EPHA3: variants seen among roughly 807,000 people sequenced by gnomAD.
EPHA3 encodes the protein ephrin type-A receptor 3.
Under a neutral mutation model 107.1 loss-of-function variants are expected in EPHA3, and 42 were observed. That is an observed-to-expected ratio of 0.39 (90% CI 0.31 to 0.51). EPHA3 has a LOEUF of 0.51. Among genes scored for constraint, EPHA3 ranks in the 20% least tolerant of loss-of-function variants. The pLI is 0.78. For synonymous variants in EPHA3, 461 were observed against 424.8 expected, an observed-to-expected ratio of 1.09 and a Z score of -1.05; for missense variants, 1,183 against 1,211.2, an observed-to-expected ratio of 0.98 and a Z score of 0.35.
At chr3:89,233,308 G>A (rs1426195037) in intron 3 of EPHA3, among the ~76,000 whole-genome samples, 2 of 152,064 alleles carry the variant, frequency 1.3e-5, no homozygotes, top group Non-Finnish European at 2.9e-5. Flanking sequence ...CAATAATAAT[G>A]CCATGAACTG....
chr3:89,195,451 A>C (rs1418971335), intron 2 of EPHA3, among the ~76,000 whole-genome samples: 7 of 152,158 alleles, frequency 4.6e-5, no homozygotes. Context: ...CCTGCAGCAC[A>C]GGGTTTTCAA....
At chr3:89,445,936 G>A (rs1709869417) in intron 13 of EPHA3, among the ~76,000 whole-genome samples, 2 of 152,184 alleles carry the variant, frequency 1.3e-5, no homozygotes, top group Admixed American at 6.5e-5. Flanking sequence ...TGATCAGCAA[G>A]TATGTTACAT....
Position 89,369,428 on chromosome 3 carries a change from G to A in EPHA3, c.1307-26409G>A, listed in dbSNP as rs562357896. Among the ~76,000 whole-genome samples, 163 of 150,760 alleles carry A rather than the reference G, an allele frequency of 1.1e-3. 5 individuals are homozygous for A. The highest frequency in any genetic ancestry group is 3.8e-3 in the African/African-American group (155 of 41,108). The stretch of plus-strand genomic sequence containing the variant: ...GATTCCCTATTTAATAAATGGTGCT[G>A]GGAAAACTGGCTAGCCATATGTAGA... On this transcript the variant is annotated intron_variant, in intron 5 of 16. Transcript: ENST00000336596.
In EPHA3 at chr3:89,311,949, G is replaced by T. The variant is rs545616928; in HGVS notation, c.815-28967G>T. 9.2e-5 allele frequency among the ~76,000 whole-genome samples: 14 copies of T among 151,960 alleles called. No homozygotes were observed. The South Asian group carries it at 2.9e-3, about 32-fold the overall frequency. On this transcript the variant is annotated intron_variant, in intron 3 of 16. Transcript: ENST00000336596. ...AGTGGCTTTGAGGATGACACAAGTA[G>T]GTATGATTTTGTTGAAAAGGTGAGA...
intron 11 of EPHA3, among the ~76,000 whole-genome samples, chr3:89,425,966 A>T (rs2107531966): frequency 6.6e-6 from 1 of 151,796 alleles, no homozygotes; most frequent in Non-Finnish European, 1.5e-5. Flanking sequence ...ATTGTGAAAG[A>T]TCATCATTTT....
intron 2 of EPHA3, among the ~76,000 whole-genome samples, chr3:89,198,347 T>C (rs1224230133): frequency 6.6e-6 from 1 of 152,162 alleles, no homozygotes; most frequent in East Asian, 1.9e-4. Flanking sequence ...CTCTAGAAAA[T>C]GTTATTATTA....
chr3:89,133,704 T>C (rs1280495602), intron 2 of EPHA3, among the ~76,000 whole-genome samples: 1 of 152,198 alleles, frequency 6.6e-6, no homozygotes, highest in East Asian at 1.9e-4. Context: ...AATTGGACCC[T>C]TTCTGTTGAC....
chr3:89,325,513 A>T (rs116997700), intron 3 of EPHA3, among the ~76,000 whole-genome samples: 1 of 152,338 alleles, frequency 6.6e-6, no homozygotes, highest in East Asian at 1.9e-4. Flanking sequence ...GCCTGAAGAC[A>T]TGGCATGGCC....
chr3:89,435,966 A>ATAATAAT (rs1559695752), intron 13 of EPHA3, among the ~76,000 whole-genome samples: 2 of 150,412 alleles, frequency 1.3e-5, no homozygotes, highest in Non-Finnish European at 3.0e-5. Context: ...AATAATAATA[A>ATAATAAT]TAATTAATTA....
intron 10 of EPHA3, among the ~76,000 whole-genome samples, chr3:89,414,589 C>T (rs1446106210): frequency 5.3e-5 from 8 of 151,502 alleles, no homozygotes; most frequent in East Asian, 1.9e-4. Flanking sequence ...ACGGAGCCTG[C>T]GGTAGCAAAT....
At chr3:89,459,059 C>T (rs116089099) in intron 15 of EPHA3, among the ~76,000 whole-genome samples, 10,140 of 152,176 alleles carry the variant, frequency 0.067, 408 homozygotes, top group Middle Eastern at 0.11. Flanking sequence ...GGATAGCATT[C>T]TGACAAATAC....
intron 3 of EPHA3, among the ~76,000 whole-genome samples, chr3:89,290,265 T>A (rs1450000153): frequency 6.6e-6 from 1 of 152,172 alleles, no homozygotes; most frequent in African/African-American, 2.4e-5. Flanking sequence ...GTTTAATTAT[T>A]TTAACCAATT....
At chr3:89,254,851 T>C (rs1398791270) in intron 3 of EPHA3, among the ~76,000 whole-genome samples, 2 of 152,210 alleles carry the variant, frequency 1.3e-5, no homozygotes, top group African/African-American at 4.8e-5. Flanking sequence ...GACATCTCAT[T>C]TCTGAACTCT....
chr3:89,320,696 A>G (rs946641432), intron 3 of EPHA3, among the ~76,000 whole-genome samples: 4 of 152,036 alleles, frequency 2.6e-5, no homozygotes, highest in Admixed American at 2.6e-4. Context: ...CAAAAATTAG[A>G]TATTAGATTG....
intron 2 of EPHA3, among the ~76,000 whole-genome samples, chr3:89,179,926 GT>G (rs200683412): frequency 0.011 from 1,537 of 142,410 alleles, 13 homozygotes; most frequent in East Asian, 0.029. Context: ...TGAGAGCAGG[GT>G]TTTTTTTTTT....
chr3:89,250,564 C>G (rs1705138720), intron 3 of EPHA3, among the ~76,000 whole-genome samples: 1 of 152,118 alleles, frequency 6.6e-6, no homozygotes, highest in Non-Finnish European at 1.5e-5. Flanking sequence ...TATCCAGAAT[C>G]CAATCTTGGT....
At position 89,425,578 on chromosome 3, in the gene EPHA3, A is replaced by G. The variant is rs531730824; in HGVS notation, c.2075-3528A>G. 2.0e-5 allele frequency among the ~76,000 whole-genome samples: 3 copies of G among 151,594 alleles called. 1 individual carries two copies. Among genetic ancestry groups the G allele is most frequent in the Non-Finnish European group, 4.4e-5 (3 of 67,606 alleles). ...TTAATAGGGAGTTAATAGCATTTCC[A>G]TTTGAAATTATTAAATGTAAATATT... is the stretch of plus-strand genomic sequence containing the variant. On this transcript the variant is annotated intron_variant, in intron 11 of 16. Transcript: ENST00000336596.
intron 3 of EPHA3, among the ~76,000 whole-genome samples, chr3:89,330,864 T>G (rs1707268690): frequency 6.6e-6 from 1 of 152,176 alleles, no homozygotes; most frequent in Non-Finnish European, 1.5e-5. Flanking sequence ...AATTACTTAA[T>G]CTGGAAAGTG....
intron 5 of EPHA3, among the ~76,000 whole-genome samples, chr3:89,371,144 T>G (rs1198618962): frequency 2.0e-5 from 3 of 151,758 alleles, no homozygotes; most frequent in African/African-American, 7.2e-5. Context: ...AAATTCTTTA[T>G]ATTAGTTATT....
Sources: allele counts gnomAD v4.1 joint callset (sites outside exome capture counted in the v4.1 genomes callset), GRCh38; gene constraint gnomAD v4.1.1; transcripts MANE v1.5; gene names NCBI Gene and HGNC (gene_info 2026-07-23, HGNC 2026-07-21).